The following KLHL1 variants were observed in gnomAD, a reference collection of about 807,000 sequenced individuals.
KLHL1 encodes the protein kelch-like protein 1.
A neutral mutation model predicts 77.7 loss-of-function variants in KLHL1; 47 were observed. That is an observed-to-expected ratio of 0.60 (90% confidence interval 0.48 to 0.77). KLHL1 has a LOEUF of 0.77. Among genes scored for constraint, KLHL1 ranks in the 30% least tolerant of loss-of-function variants. The pLI, the probability that KLHL1 is intolerant of heterozygous loss-of-function variation, is 0.00. For synonymous variants in KLHL1, 360 were observed against 325.2 expected, an observed-to-expected ratio of 1.11 and a Z score of -1.15; for missense variants, 925 against 910.8, an observed-to-expected ratio of 1.02 and a Z score of -0.20.
chr13:70,099,976 T>C lies in KLHL1; in HGVS notation c.497+7227A>G, dbSNP rs944856854. Among the ~76,000 whole-genome samples, 9 of 152,124 alleles carry C rather than the reference T, an allele frequency of 5.9e-5. No individual in the cohort carries two copies. The East Asian group carries it at 1.5e-3, about 26-fold the overall frequency. On this transcript the variant is annotated intron_variant, in intron 1 of 10. Coordinates refer to ENST00000377844, the MANE Select transcript of KLHL1 (RefSeq NM_020866.3). ...CAAGTCTGGAAATCAGGAATGTTAG[T>C]TCCCAAATTTTTTAATTTTTCAAAA... is the stretch of plus-strand genomic sequence containing the variant.
At chr13:70,014,808 CT>C (rs1885618594) in intron 1 of KLHL1, among the ~76,000 whole-genome samples, 1 of 152,064 alleles carries the variant, frequency 6.6e-6, no homozygotes, top group Non-Finnish European at 1.5e-5. Flanking sequence ...TAAACAGACG[CT>C]TGCTTTTGTG....
intron 1 of KLHL1, among the ~76,000 whole-genome samples, chr13:69,993,544 A>G (rs929719242): frequency 1.3e-5 from 2 of 152,062 alleles, no homozygotes; most frequent in African/African-American, 4.8e-5. Flanking sequence ...CCTTAATCAT[A>G]TGAAACTTTC....
chr13:69,770,817 G>T (rs1326988490), intron 7 of KLHL1, among the ~76,000 whole-genome samples: 1 of 152,064 alleles, frequency 6.6e-6, no homozygotes, highest in Non-Finnish European at 1.5e-5. Flanking sequence ...GGCACGAGCT[G>T]GGCTCACTGC....
At chr13:69,867,170 A>C (rs971019664) in intron 5 of KLHL1, among the ~76,000 whole-genome samples, 1 of 152,144 alleles carries the variant, frequency 6.6e-6, no homozygotes, top group African/African-American at 2.4e-5. Context: ...AGGTGTCCTT[A>C]ACAGAGTCTA....
intron 3 of KLHL1, among the ~76,000 whole-genome samples, chr13:69,942,473 A>T (rs1274905166): frequency 6.6e-6 from 1 of 152,090 alleles, no homozygotes; most frequent in Non-Finnish European, 1.5e-5. Context: ...CATCATGAAT[A>T]GTTTTATGAC....
chr13:70,061,868 C>T (rs561134460), intron 1 of KLHL1, among the ~76,000 whole-genome samples: 25 of 152,174 alleles, frequency 1.6e-4, no homozygotes, highest in South Asian at 4.1e-4. Flanking sequence ...TTTTGATATA[C>T]GTATACAACA....
intron 5 of KLHL1, 116 bp downstream of exon 5, chr13:69,882,167 T>C: frequency 1.4e-6 from 1 of 722,536 alleles, no homozygotes. Flanking sequence ...AAAGTAGTAT[T>C]TGATAAAAGC....
At chr13:69,763,520 CT>C (rs1475602817) in intron 7 of KLHL1, among the ~76,000 whole-genome samples, 7 of 152,172 alleles carry the variant, frequency 4.6e-5, no homozygotes, top group Non-Finnish European at 1.0e-4. Context: ...AATGCGCTCT[CT>C]TTGACTGAGA....
chr13:69,972,516 T>C (rs1202151720), intron 2 of KLHL1, among the ~76,000 whole-genome samples: 2 of 152,008 alleles, frequency 1.3e-5, no homozygotes, highest in African/African-American at 2.4e-5. Context: ...ATTTAAATAA[T>C]ACATCTGTTG....
At chr13:69,787,355 G>A (rs1001944121) in intron 7 of KLHL1, among the ~76,000 whole-genome samples, 13 of 152,044 alleles carry the variant, frequency 8.6e-5, no homozygotes, top group African/African-American at 2.2e-4. Flanking sequence ...AAATAATGCC[G>A]CATGTCTACA....
At chr13:70,056,450 A>T (rs1411155268) in intron 1 of KLHL1, among the ~76,000 whole-genome samples, 1 of 152,164 alleles carries the variant, frequency 6.6e-6, no homozygotes, top group Non-Finnish European at 1.5e-5. Context: ...AAATCAACAA[A>T]GAAACATCAA....
intron 4 of KLHL1, among the ~76,000 whole-genome samples, chr13:69,895,419 TC>T (rs1171015353): frequency 1.3e-5 from 2 of 152,150 alleles, no homozygotes; most frequent in African/African-American, 2.4e-5. Flanking sequence ...CAGAAGCCCA[TC>T]CCATTGGCAC....
Position 70,107,760 on chromosome 13 carries a change from G to T in KLHL1, c.-61C>A. 2.3e-6 allele frequency: 3 copies of T among 1,325,756 alleles called. No homozygotes were observed. The highest frequency in any genetic ancestry group is 3.0e-6 in the Non-Finnish European group (3 of 990,684). 82.1% of individuals were successfully genotyped at this position (1,325,756 alleles called of 1,614,324 possible). ...CGCAGGAGTAGGCTGGTCAGCAGGT[G>T]GGGGAGGACAGCGGGGCCCGGGGGC... On this transcript the variant is annotated 5_prime_UTR_variant, in exon 1 of 11. Coordinates refer to ENST00000377844, the MANE Select transcript of KLHL1 (RefSeq NM_020866.3).
rs551371785 is a variant in KLHL1, at chr13:69,786,748, C to A, written c.1639+9990G>T. On this transcript the variant is annotated intron_variant, in intron 7 of 10. Transcript: ENST00000377844. Reference sequence around the variant, plus strand: ...GTTTGCAGATGACATGATTGTATATCTAGAAAACCTCACTGTCTCAGCCCA... The same window carrying A: ...GTTTGCAGATGACATGATTGTATATATAGAAAACCTCACTGTCTCAGCCCA... Among the ~76,000 whole-genome samples, 83 of 152,252 alleles carry A rather than the reference C, an allele frequency of 5.5e-4. No individual in the cohort carries two copies. In the South Asian group the frequency reaches 0.013, roughly 24 times the overall value.
At chr13:69,719,218 GA>G in intron 9 of KLHL1, 150 bp downstream of exon 9, 1 of 538,360 alleles carries the variant, frequency 1.9e-6, no homozygotes, top group African/African-American at 2.4e-5. Context: ...GTGAGAGAGA[GA>G]GAGAGAGAGA....
intron 3 of KLHL1, among the ~76,000 whole-genome samples, chr13:69,955,391 G>A (rs1165496134): frequency 6.6e-6 from 1 of 151,206 alleles, no homozygotes; most frequent in Non-Finnish European, 1.5e-5. Flanking sequence ...TTTTCTACAA[G>A]GAAGTTAACA....
chr13:70,012,693 G>A (rs953118623), intron 1 of KLHL1, among the ~76,000 whole-genome samples: 14 of 151,842 alleles, frequency 9.2e-5, no homozygotes, highest in East Asian at 1.9e-4. Context: ...GGTGGATCAC[G>A]AGGTCAGGAG....
chr13:69,945,270 G>A (rs73212550), intron 3 of KLHL1, among the ~76,000 whole-genome samples: 1 of 151,644 alleles, frequency 6.6e-6, no homozygotes, highest in Non-Finnish European at 1.5e-5. Flanking sequence ...ACTGCACCCG[G>A]CAGCTATAAA....
intron 1 of KLHL1, among the ~76,000 whole-genome samples, chr13:70,088,639 C>T (rs544682044): frequency 1.4e-4 from 22 of 152,082 alleles, no homozygotes; most frequent in Admixed American, 7.2e-4. Context: ...GCTACAATCA[C>T]GCCACTGCAC....
Sources: gnomAD v4.1 joint callset for allele counts (sites outside exome capture counted in the v4.1 genomes callset) on GRCh38, gnomAD v4.1.1 for gene constraint, MANE v1.5 for transcripts, NCBI Gene and HGNC (gene_info 2026-07-23, HGNC 2026-07-21) for gene names.